Variants in EIF4G3 observed in about 807,000 individuals in gnomAD.
EIF4G3 encodes eIF-4-gamma 3.
EIF4G3 carries 34 observed loss-of-function variants against 186.4 expected under a neutral mutation model. That is an observed-to-expected ratio of 0.18 (90% CI 0.14 to 0.24). The LOEUF is 0.24. Among genes scored for constraint, EIF4G3 ranks in the 10% least tolerant of loss-of-function variants. The probability of loss-of-function intolerance (pLI) is 1.00; values close to 1 mark genes in which losing one functional copy is unlikely to be tolerated. For missense variants in EIF4G3, 1,536 were observed against 1,948.5 expected (o/e 0.79, Z 3.99); for synonymous variants, 673 against 679.5 (o/e 0.99, Z 0.15).
At chr1:20,892,942 T>C (rs564064658) in intron 18 of EIF4G3, among the ~76,000 whole-genome samples, 3 of 152,220 alleles carry the variant, frequency 2.0e-5, no homozygotes, top group African/African-American at 4.8e-5. Context: ...TGTTCTTGTT[T>C]TGTCACCCAG....
chr1:21,137,628 G>A (rs2097268933), intron 2 of EIF4G3, among the ~76,000 whole-genome samples: 1 of 151,894 alleles, frequency 6.6e-6, no homozygotes. Context: ...GGGCAACATA[G>A]TAAGACCTTA....
intron 34 of EIF4G3, among the ~76,000 whole-genome samples, chr1:20,816,165 G>C (rs1316722336): frequency 8.5e-6 from 1 of 117,590 alleles, no homozygotes; most frequent in African/African-American, 3.3e-5. Context: ...CTGCCCGGCC[G>C]CCCCTACTGG....
chr1:20,957,441 G>T (rs1476369847), intron 12 of EIF4G3, among the ~76,000 whole-genome samples: 1 of 150,764 alleles, frequency 6.6e-6, no homozygotes, highest in African/African-American at 2.4e-5. Context: ...AAGTCTGAAA[G>T]AGTGCAAACT....
At chr1:20,897,543 A>G (rs2088699729) in intron 16 of EIF4G3, among the ~76,000 whole-genome samples, 1 of 151,924 alleles carries the variant, frequency 6.6e-6, no homozygotes, top group African/African-American at 2.4e-5. Flanking sequence ...CAGTTTTCTT[A>G]TTTTAATTAA....
chr1:20,975,905 A>C (rs1239232851), intron 10 of EIF4G3, among the ~76,000 whole-genome samples: 1 of 151,790 alleles, frequency 6.6e-6, no homozygotes. Context: ...TCAACTGTCT[A>C]TGGCTGATTT....
chr1:20,812,920 A>C (rs1483663525), intron 35 of EIF4G3, among the ~76,000 whole-genome samples: 2 of 152,232 alleles, frequency 1.3e-5, no homozygotes, highest in Non-Finnish European at 2.9e-5. Flanking sequence ...AGTGAAAAAC[A>C]ACCCAAGGAG....
At chr1:20,845,598 C>T (rs1571532937) in intron 29 of EIF4G3, among the ~76,000 whole-genome samples, 1 of 151,806 alleles carries the variant, frequency 6.6e-6, no homozygotes, top group South Asian at 2.1e-4. Flanking sequence ...GGAGGTGGAG[C>T]TTGCAGTGAG....
At chr1:20,950,355 A>T (rs1009005760) in intron 12 of EIF4G3, among the ~76,000 whole-genome samples, 3 of 152,202 alleles carry the variant, frequency 2.0e-5, no homozygotes, top group African/African-American at 7.2e-5. Context: ...TAACCACAGC[A>T]AGAGAAGACA....
At chr1:20,871,120 T>A (rs966114108) in intron 20 of EIF4G3, among the ~76,000 whole-genome samples, 1 of 152,230 alleles carries the variant, frequency 6.6e-6, no homozygotes, top group African/African-American at 2.4e-5. Flanking sequence ...AATAATTTTA[T>A]ACTCTAGGAT....
At chr1:20,828,731 T>G (rs1334963189) in intron 31 of EIF4G3, among the ~76,000 whole-genome samples, 1 of 152,242 alleles carries the variant, frequency 6.6e-6, no homozygotes, top group Non-Finnish European at 1.5e-5. Flanking sequence ...TCAGTTTGTT[T>G]TATTATAATC....
intron 14 of EIF4G3, 64 bp from the exon 15 acceptor site, chr1:20,905,035 A>T: frequency 8.5e-7 from 1 of 1,173,870 alleles, no homozygotes; most frequent in Non-Finnish European, 1.3e-6. Flanking sequence ...TATTAGGTCT[A>T]AGTGATACCT....
At chr1:20,864,966 C>A in intron 21 of EIF4G3, 150 bp downstream of exon 21, 1 of 909,456 alleles carries the variant, frequency 1.1e-6, no homozygotes, top group East Asian at 2.5e-5. Context: ...AAAGCATTCC[C>A]CTAAACATTA....
chr1:21,017,623 G>A lies in EIF4G3; in HGVS notation c.-66-14815C>T, dbSNP rs1436092346. 1.1e-4 allele frequency among the ~76,000 whole-genome samples: 9 copies of A among 84,250 alleles called. No homozygotes were observed. The Admixed American group carries it at 1.4e-3, about 13-fold the overall frequency. The allele number at this position is 84,250 out of a possible 152,430, so 55.3% of individuals were successfully genotyped here. Reference sequence around the variant, plus strand: ...AGCCTGGATGACAGAGCAAGACTCCGTCTCAAAAAAAAAAAAAAAAAAAAA... The same window carrying A: ...AGCCTGGATGACAGAGCAAGACTCCATCTCAAAAAAAAAAAAAAAAAAAAA... On this transcript the variant is annotated intron_variant, in intron 4 of 36. Coordinates refer to ENST00000602326, the MANE Select transcript of EIF4G3 (RefSeq NM_001391906.1).
At chr1:21,108,015 G>A (rs184526261) in intron 2 of EIF4G3, among the ~76,000 whole-genome samples, 1 of 152,238 alleles carries the variant, frequency 6.6e-6, no homozygotes, top group Non-Finnish European at 1.5e-5. Flanking sequence ...AGGCGCAGTG[G>A]CGCACACCTG....
Position 21,066,294 on chromosome 1 carries a change from GAA to G in EIF4G3, c.-195-15302_-195-15301del, listed in dbSNP as rs11330786. Among the ~76,000 whole-genome samples, 609 of 138,064 alleles carry G rather than the reference GAA, an allele frequency of 4.4e-3. 6 individuals are homozygous for G. Among genetic ancestry groups the G allele is most frequent in the African/African-American group, 0.013 (502 of 37,540 alleles). 90.6% of individuals were successfully genotyped at this position (138,064 alleles called of 152,430 possible). On this transcript the variant is annotated intron_variant, in intron 3 of 36. Transcript: ENST00000602326. The stretch of plus-strand genomic sequence containing the variant: ...CATCAGACTCAGTCCACTCCTGGAG[GAA>G]AAAAAAAAAAAGTAAAAAATATAAA...
chr1:20,947,693 C>T (rs1425864668), intron 13 of EIF4G3, among the ~76,000 whole-genome samples: 1 of 152,134 alleles, frequency 6.6e-6, no homozygotes, highest in Non-Finnish European at 1.5e-5. Context: ...AGGAAGATAA[C>T]AGTAATTCCA....
At chr1:20,982,261 A>G (rs1210321533) in intron 8 of EIF4G3, 127 bp downstream of exon 8, 1 of 700,698 alleles carries the variant, frequency 1.4e-6, no homozygotes, top group African/African-American at 1.9e-5. Flanking sequence ...CAAGATTAAA[A>G]GCCTTGAAAC....
intron 19 of EIF4G3, among the ~76,000 whole-genome samples, chr1:20,881,380 A>C (rs767605433): frequency 3.3e-5 from 5 of 152,258 alleles, no homozygotes; most frequent in Non-Finnish European, 7.3e-5. Context: ...ATAAACTTCT[A>C]AAAGACAACA....
chr1:20,976,469 C>T (rs2076894967), intron 10 of EIF4G3, among the ~76,000 whole-genome samples: 1 of 152,060 alleles, frequency 6.6e-6, no homozygotes, highest in African/African-American at 2.4e-5. Context: ...CTTTAAAGGT[C>T]TTCTTGGCCA....
Sources: gnomAD v4.1 joint callset for allele counts (sites outside exome capture counted in the v4.1 genomes callset) on GRCh38, gnomAD v4.1.1 for gene constraint, MANE v1.5 for transcripts, NCBI Gene and HGNC (gene_info 2026-07-23, HGNC 2026-07-21) for gene names.